The following PIEZO2 variants were observed in gnomAD, a reference collection of about 807,000 sequenced individuals.
PIEZO2 encodes the protein piezo type mechanosensitive ion channel component 2.
A neutral mutation model predicts 337.3 loss-of-function variants in PIEZO2; 172 were observed. The observed-to-expected ratio is 0.51, with a 90% confidence interval of 0.45 to 0.58. The LOEUF is 0.58. PIEZO2 is among the 20% of genes least tolerant of loss of function. The pLI is 0.00. For missense variants in PIEZO2, 3,028 were observed against 3,391.3 expected, an observed-to-expected ratio of 0.89 and a Z score of 2.66; for synonymous variants, 1,251 against 1,228.5, an observed-to-expected ratio of 1.02 and a Z score of -0.38.
rs2038678651 is a variant in PIEZO2, at chr18:10,773,526, TCTC to T, written c.2668_2670del (p.Glu890del). 3 of 1,537,256 alleles carry T rather than the reference TCTC, an allele frequency of 2.0e-6. No homozygotes were observed. Among genetic ancestry groups the T allele is most frequent in the Non-Finnish European group, 2.6e-6 (3 of 1,146,948 alleles). On this transcript the variant is annotated inframe_deletion, in exon 20 of 56. Coordinates refer to ENST00000674853, the MANE Select transcript of PIEZO2 (RefSeq NM_001378183.1). This position sits in a 1 kb window ranked among gnomAD's most constrained non-coding sequence, Gnocchi z 5.3. Reference sequence around the variant, plus strand: ...GCTTTTTCAGAGTAGCCCTCAAGCTTCTCCTCCCCAGGCTCAGCCAACTTCCTC... The same window carrying T: ...GCTTTTTCAGAGTAGCCCTCAAGCTTCTCCCCAGGCTCAGCCAACTTCCTC...
rs76280993 is a variant in PIEZO2 at position 11,016,054 on chromosome 18, T to A, written c.161-36394A>T. 6.0e-3 allele frequency among the ~76,000 whole-genome samples: 909 copies of A among 152,278 alleles called. 9 individuals carry two copies. The highest frequency in any genetic ancestry group is 0.021 in the African/African-American group (870 of 41,548). On this transcript the variant is annotated intron_variant, in intron 2 of 55. Transcript: ENST00000674853. This position sits in a 1 kb window ranked among gnomAD's most constrained non-coding sequence, Gnocchi z 5.6. ...TTCTCCCTTTTCACCCTGGCCTCCT[T>A]CAGCCTCATTCTTCCTCCTTCTCCA...
intron 7 of PIEZO2, among the ~76,000 whole-genome samples, chr18:10,838,883 C>T (rs1230974801): frequency 6.6e-6 from 1 of 152,196 alleles, no homozygotes; most frequent in African/African-American, 2.4e-5. Flanking sequence ...GCCAGGCAAC[C>T]TCCCCTCCCT....
chr18:10,709,644 G>A (rs757785863), intron 39 of PIEZO2: 1 of 152,334 alleles, frequency 6.6e-6, no homozygotes, highest in Non-Finnish European at 1.5e-5. Context: ...AGGATGCAAT[G>A]ACCACTGCAA....
Position 10,811,983 on chromosome 18 carries a change from G to A in PIEZO2, c.918-4709C>T, listed in dbSNP as rs181320304. 2.9e-3 allele frequency among the ~76,000 whole-genome samples: 445 copies of A among 152,272 alleles called. 5 individuals carry two copies. Among genetic ancestry groups the A allele is most frequent in the Admixed American group, 0.021 (323 of 15,296 alleles). ...CGAGTAGCTGAGATTACAGGCGCCC[G>A]CCACCACGCCCGGCTAACTTTTTGT... On this transcript the variant is annotated intron_variant, in intron 7 of 55. Transcript: ENST00000674853.
chr18:10,725,049 G>A (rs2144003097), intron 36 of PIEZO2: 12 of 1,566,644 alleles, frequency 7.7e-6, no homozygotes, highest in Non-Finnish European at 9.7e-6. Flanking sequence ...TGGCCCTGCG[G>A]CCAACCAACG....
At chr18:10,963,896 A>C (rs1366757241) in intron 3 of PIEZO2, among the ~76,000 whole-genome samples, 2 of 152,156 alleles carry the variant, frequency 1.3e-5, no homozygotes, top group Non-Finnish European at 2.9e-5. Flanking sequence ...TAGAACCTCA[A>C]GTTTCACAAT....
chr18:10,681,094 G>C (rs577760374), intron 51 of PIEZO2, among the ~76,000 whole-genome samples: 2 of 152,244 alleles, frequency 1.3e-5, no homozygotes, highest in African/African-American at 4.8e-5. Flanking sequence ...TCTCTGTAAT[G>C]AATTTTTTAA....
chr18:10,788,431 G>A (rs146847007), intron 15 of PIEZO2, among the ~76,000 whole-genome samples: 3,718 of 37,822 alleles, frequency 0.098, 83 homozygotes, highest in Non-Finnish European at 0.12. Flanking sequence ...AGAAAGAAAG[G>A]AAGGAAGGAA....
At chr18:10,800,963 T>C (rs73943024) in intron 10 of PIEZO2, among the ~76,000 whole-genome samples, 33 of 152,362 alleles carry the variant, frequency 2.2e-4, no homozygotes, top group African/African-American at 7.7e-4. Context: ...AGCTAAGGCA[T>C]CACCCTCTGG....
Position 10,718,253 on chromosome 18 carries a change from A to G in PIEZO2, c.5036T>C (p.Val1679Ala), listed in dbSNP as rs936800558. 2.0e-6 allele frequency: 3 copies of G among 1,536,600 alleles called. No individual in the cohort carries two copies. The highest frequency in any genetic ancestry group is 3.9e-5 in the Admixed American group (2 of 50,974). ...TTCATCCTCCCGGTCTTCCCATTCC[A>G]CAGGACCTGCCAAGTGTGTTCAATA... The part of the protein sequence containing the change: ...RRRKGSKEGP[V>A]EWEDREDEPI... The change falls in exon 37 of 56, where the codon GTG (valine) becomes GCG (alanine). Residue 1679 changes from valine (V) to alanine (A), a missense_variant. By Grantham distance (64) the Val-to-Ala change is moderately conservative. Around this residue, in one of 5 missense-constraint regions of PIEZO2, gnomAD observed 1,925 missense variants for 2,051.9 expected, o/e 0.94. Transcript: ENST00000674853.
rs1288442907 is a variant in PIEZO2, at chr18:11,131,276, T to C, written c.64+17249A>G. ...TCCATCATCAAATGGAAGTGATATATACATGATCGGGCTCGAGCAGGTCCT... is the reference window on the plus strand; with the variant it reads ...TCCATCATCAAATGGAAGTGATATACACATGATCGGGCTCGAGCAGGTCCT... On this transcript the variant is annotated intron_variant, in intron 1 of 55. Coordinates refer to ENST00000674853, the MANE Select transcript of PIEZO2 (RefSeq NM_001378183.1). The surrounding 1 kb of genome is among the most constrained non-coding windows in gnomAD (Gnocchi z 5.3). Among the ~76,000 whole-genome samples the C allele has an allele frequency of 1.3e-5, 2 of 152,190 alleles. No homozygotes were observed. The highest frequency in any genetic ancestry group is 2.9e-5 in the Non-Finnish European group (2 of 68,044).
intron 5 of PIEZO2, among the ~76,000 whole-genome samples, chr18:10,867,589 C>T (rs1020976216): frequency 1.3e-5 from 2 of 152,116 alleles, no homozygotes; most frequent in African/African-American, 4.8e-5. Flanking sequence ...TAAGTCATAA[C>T]TGCAAATCCT....
intron 7 of PIEZO2, among the ~76,000 whole-genome samples, chr18:10,831,350 G>C (rs180774608): frequency 6.6e-6 from 1 of 152,234 alleles, no homozygotes; most frequent in Non-Finnish European, 1.5e-5. Flanking sequence ...CCATAAAAAA[G>C]AATGAGATCC....
intron 2 of PIEZO2, among the ~76,000 whole-genome samples, chr18:10,989,525 G>A (rs2145543963): frequency 6.6e-6 from 1 of 151,996 alleles, no homozygotes; most frequent in Middle Eastern, 3.4e-3. Context: ...TGACTGCACG[G>A]AAACTGGAGA....
At chr18:10,731,299 A>T in intron 36 of PIEZO2, 108 bp downstream of exon 36, 1 of 615,278 alleles carries the variant, frequency 1.6e-6, no homozygotes. Context: ...CATTCTTTAG[A>T]ATTTAAAAAT....
At chr18:11,106,207 C>G (rs1399419621) in intron 1 of PIEZO2, among the ~76,000 whole-genome samples, 1 of 151,904 alleles carries the variant, frequency 6.6e-6, no homozygotes, top group Admixed American at 6.6e-5. Flanking sequence ...CTGCCTCAGC[C>G]TCCCGAGTAG....
rs531686484 is a variant in PIEZO2 at position 10,815,509 on chromosome 18, T to G, written c.918-8235A>C. On this transcript the variant is annotated intron_variant, in intron 7 of 55. Coordinates refer to ENST00000674853, the MANE Select transcript of PIEZO2 (RefSeq NM_001378183.1). The surrounding 1 kb of genome is among the most constrained non-coding windows in gnomAD (Gnocchi z 4.1). ...TTTTCATGACACTTCAACTTAGAAT[T>G]GCTGAAACGGGCCTTGAAAATATCC... is the stretch of plus-strand genomic sequence containing the variant. 6.6e-6 allele frequency among the ~76,000 whole-genome samples: 1 copy of G among 152,356 alleles called. No individual in the cohort carries two copies. The highest frequency in any genetic ancestry group is 6.5e-5 in the Admixed American group (1 of 15,296).
Position 10,689,935 on chromosome 18 carries a change from A to G in PIEZO2, c.7350-133T>C, listed in dbSNP as rs528922491. 1.8e-5 allele frequency: 18 copies of G among 985,262 alleles called. No individual in the cohort carries two copies. In the East Asian group the frequency reaches 3.7e-4, roughly 20 times the overall value. 61.0% of individuals were successfully genotyped at this position (985,262 alleles called of 1,614,324 possible). A position where few individuals can be genotyped will look rare whatever the true frequency, so the allele number is the denominator to read the frequency against. On this transcript the variant is annotated intron_variant, in intron 48 of 55. Coordinates refer to ENST00000674853, the MANE Select transcript of PIEZO2 (RefSeq NM_001378183.1). Reference sequence around the variant, plus strand: ...AAACAATTCTCTAGGTGACCCTTCCAGTAAAACCCAACTTGGAACACAACT... The same window carrying G: ...AAACAATTCTCTAGGTGACCCTTCCGGTAAAACCCAACTTGGAACACAACT...
Position 10,895,181 on chromosome 18 carries a change from C to A in PIEZO2, c.329+16005G>T, listed in dbSNP as rs1008530726. Among the ~76,000 whole-genome samples the A allele has an allele frequency of 6.6e-6, 1 of 152,186 alleles. No individual in the cohort carries two copies. The highest frequency in any genetic ancestry group is 6.5e-5 in the Admixed American group (1 of 15,284). Reference sequence around the variant, plus strand: ...AGCCTCATGGCCGAGCATGGTGGCTCATGCCTGTAATCCCAGCATTTTGGG... The same window carrying A: ...AGCCTCATGGCCGAGCATGGTGGCTAATGCCTGTAATCCCAGCATTTTGGG... On this transcript the variant is annotated intron_variant, in intron 4 of 55. Coordinates refer to ENST00000674853, the MANE Select transcript of PIEZO2 (RefSeq NM_001378183.1). The surrounding 1 kb of genome is among the most constrained non-coding windows in gnomAD (Gnocchi z 4.8).
Sources: allele counts gnomAD v4.1 joint callset (sites outside exome capture counted in the v4.1 genomes callset), GRCh38; gene constraint gnomAD v4.1.1; regional missense constraint gnomAD v4.1.1; non-coding constraint Gnocchi (gnomAD v3.1); transcripts MANE v1.5; gene names NCBI Gene and HGNC (gene_info 2026-07-23, HGNC 2026-07-21).